MIGA1: variants seen among roughly 807,000 people sequenced by gnomAD.
MIGA1 encodes family with sequence similarity 73, member A.
MIGA1 carries 58 observed loss-of-function variants against 82.0 expected under a neutral mutation model. The observed-to-expected ratio is 0.71, with a 90% confidence interval of 0.57 to 0.88. MIGA1 has a LOEUF of 0.88. MIGA1 is among the 40% of genes least tolerant of loss of function. The pLI is 0.00. For missense variants in MIGA1, 751 were observed against 749.1 expected, an observed-to-expected ratio of 1.00 and a Z score of -0.03; for synonymous variants, 249 against 253.6, an observed-to-expected ratio of 0.98 and a Z score of 0.17.
intron 7 of MIGA1, among the ~76,000 whole-genome samples, chr1:77,820,381 C>CT (rs1262938853): frequency 6.6e-6 from 1 of 152,174 alleles, no homozygotes; most frequent in Non-Finnish European, 1.5e-5. Flanking sequence ...TGGATGCAGA[C>CT]TAACTGGGTT....
chr1:77,853,685 C>G (rs1371356480), intron 8 of MIGA1: 9 of 249,410 alleles, frequency 3.6e-5, no homozygotes, highest in Non-Finnish European at 6.2e-5. Flanking sequence ...CAAAAACAAA[C>G]AAAAACCCAA....
chr1:77,781,941 C>T (rs1392424413), intron 1 of MIGA1, among the ~76,000 whole-genome samples: 2 of 151,614 alleles, frequency 1.3e-5, no homozygotes, highest in East Asian at 3.9e-4. Flanking sequence ...AAAAAGAGAA[C>T]ATAGAAATGT....
At chr1:77,787,449 A>G (rs1314384597) in intron 2 of MIGA1, among the ~76,000 whole-genome samples, 1 of 150,704 alleles carries the variant, frequency 6.6e-6, no homozygotes, top group African/African-American at 2.4e-5. Flanking sequence ...GCAGTGGTGC[A>G]ATCTCACTGC....
At chr1:77,804,110 G>A (rs912499811) in intron 4 of MIGA1, among the ~76,000 whole-genome samples, 2 of 152,112 alleles carry the variant, frequency 1.3e-5, no homozygotes, top group Admixed American at 1.3e-4. Flanking sequence ...AGAATTAGCT[G>A]TTCTTCAAGA....
intron 7 of MIGA1, among the ~76,000 whole-genome samples, chr1:77,830,644 T>C (rs1684209549): frequency 1.3e-5 from 2 of 152,314 alleles, no homozygotes; most frequent in South Asian, 4.1e-4. Context: ...AATCTTTTTA[T>C]GTCTGAAGAG....
chr1:77,826,273 T>C (rs547424183), intron 7 of MIGA1, among the ~76,000 whole-genome samples: 2 of 152,320 alleles, frequency 1.3e-5, no homozygotes, highest in African/African-American at 4.8e-5. Flanking sequence ...TTTAAACTTA[T>C]TTTTTGGTAA....
intron 3 of MIGA1, 72 bp downstream of exon 3, chr1:77,801,580 T>G: frequency 7.6e-7 from 1 of 1,310,038 alleles, no homozygotes; most frequent in Non-Finnish European, 1.0e-6. Flanking sequence ...ATTTTGGTCT[T>G]TTAGTCTCCA....
At chr1:77,805,648 G>A (rs947753241) in intron 4 of MIGA1, among the ~76,000 whole-genome samples, 1 of 151,182 alleles carries the variant, frequency 6.6e-6, no homozygotes, top group South Asian at 2.1e-4. Context: ...TCCTGCCTCA[G>A]CCTCCCGAGT....
intron 7 of MIGA1, among the ~76,000 whole-genome samples, chr1:77,828,467 G>T (rs191838912): frequency 2.6e-5 from 4 of 152,204 alleles, no homozygotes; most frequent in African/African-American, 9.6e-5. Flanking sequence ...GACAAGATGG[G>T]TATCATTAAG....
intron 5 of MIGA1, 68 bp from the exon 6 acceptor site, chr1:77,813,666 C>T (rs1683451261): frequency 1.3e-6 from 2 of 1,541,670 alleles, no homozygotes; most frequent in Non-Finnish European, 1.8e-6. Flanking sequence ...GAAAACATTT[C>T]AGGCCCCAAT....
chr1:77,819,094 AAAAG>A (rs1285904307), intron 7 of MIGA1, among the ~76,000 whole-genome samples: 1 of 151,798 alleles, frequency 6.6e-6, no homozygotes, highest in Non-Finnish European at 1.5e-5. Flanking sequence ...AAAAAAAAAA[AAAAG>A]AAAAAGAAAA....
chr1:77,834,688 A>G (rs1288245162), intron 7 of MIGA1, among the ~76,000 whole-genome samples: 1 of 152,254 alleles, frequency 6.6e-6, no homozygotes, highest in Non-Finnish European at 1.5e-5. Flanking sequence ...AATTATCCAC[A>G]GTATGTATGG....
intron 14 of MIGA1, among the ~76,000 whole-genome samples, chr1:77,867,190 G>T (rs967605166): frequency 4.6e-5 from 7 of 152,236 alleles, no homozygotes; most frequent in South Asian, 2.1e-4. Context: ...GTAGTAAAGG[G>T]CAAGGACTCT....
At chr1:77,787,070 C>T (rs1053120176) in intron 2 of MIGA1, among the ~76,000 whole-genome samples, 4 of 152,134 alleles carry the variant, frequency 2.6e-5, no homozygotes, top group Admixed American at 1.3e-4. Context: ...ACATGGCAGC[C>T]GCAAGAGAGA....
At chr1:77,859,288 A>G (rs761557403) in intron 9 of MIGA1, 26 bp from the exon 10 acceptor site, 2 of 1,571,506 alleles carry the variant, frequency 1.3e-6, no homozygotes, top group Non-Finnish European at 1.8e-6. Flanking sequence ...GTAGTTTAAC[A>G]ATTGTCTCCC....
chr1:77,866,407 T>C lies in MIGA1; in HGVS notation c.1563+16T>C. The C allele has an allele frequency of 6.2e-7, 1 of 1,611,736 alleles. No individual in the cohort carries two copies. The highest frequency in any genetic ancestry group is 1.1e-5 in the South Asian group (1 of 91,028). On this transcript the variant is annotated intron_variant, in intron 14 of 15. Coordinates refer to ENST00000370791, the MANE Select transcript of MIGA1 (RefSeq NM_198549.4). ...ACAGATGAAGGTAAAATTCGTTATGTCCTGAATTCCTTTGTTAAATCATTT... is the reference window on the plus strand; with the variant it reads ...ACAGATGAAGGTAAAATTCGTTATGCCCTGAATTCCTTTGTTAAATCATTT...
At chr1:77,780,486 T>C (rs910932425) in intron 1 of MIGA1, among the ~76,000 whole-genome samples, 1 of 152,224 alleles carries the variant, frequency 6.6e-6, no homozygotes, top group Non-Finnish European at 1.5e-5. Context: ...AGTTAGGTTA[T>C]ATAGATTTGT....
At chr1:77,779,878 G>A (rs1440355175) in intron 1 of MIGA1, 142 bp downstream of exon 1, 2 of 1,425,874 alleles carry the variant, frequency 1.4e-6, no homozygotes, top group Admixed American at 5.8e-5. Flanking sequence ...GTGCCAGGTG[G>A]AGCGGCGGAA....
rs751020505 is a variant in MIGA1 at position 77,801,476 on chromosome 1, T to C, written c.341T>C (p.Leu114Pro). ...CCATGGGAACCAGAGCACCTCATAC[T>C]TGAATACACTAAAAGAGCAGCATCA... is the stretch of plus-strand genomic sequence containing the variant. Residue 114 changes from leucine to proline, a missense_variant, in exon 3 of 16, where the codon CTT becomes CCT. Leu to Pro is a moderately conservative substitution (Grantham distance 98). Around this residue, in one of 3 missense-constraint regions of MIGA1, gnomAD observed 482 missense variants for 439.4 expected, o/e 1.10. Transcript: ENST00000370791. 5 of 1,603,190 alleles carry C rather than the reference T, an allele frequency of 3.1e-6. No homozygotes were observed. In the Admixed American group the frequency reaches 8.9e-5, roughly 29 times the overall value.
Sources: allele counts gnomAD v4.1 joint callset (sites outside exome capture counted in the v4.1 genomes callset), GRCh38; gene constraint gnomAD v4.1.1; regional missense constraint gnomAD v4.1.1; transcripts MANE v1.5; gene names NCBI Gene and HGNC (gene_info 2026-07-23, HGNC 2026-07-21).